EYS: variants seen among roughly 807,000 people sequenced by gnomAD.
The protein encoded by EYS is EGF-like photoreceptor maintenance factor, also known as protein eyes shut homolog.
EYS carries 250 observed loss-of-function variants against 282.1 expected under a neutral mutation model. That is an observed-to-expected ratio of 0.89 (90% CI 0.80 to 0.98). EYS has a LOEUF of 0.98. Among genes scored for constraint, EYS ranks in the 50% least tolerant of loss-of-function variants. The pLI, the probability that EYS is intolerant of heterozygous loss-of-function variation, is 0.00. For missense variants in EYS, 4,016 were observed against 3,709.0 expected, an observed-to-expected ratio of 1.08 and a Z score of -2.15; for synonymous variants, 1,355 against 1,282.9, an observed-to-expected ratio of 1.06 and a Z score of -1.20.
chr6:65,433,214 G>T (rs1311235156), intron 5 of EYS, among the ~76,000 whole-genome samples: 1 of 152,076 alleles, frequency 6.6e-6, no homozygotes, highest in Non-Finnish European at 1.5e-5. Context: ...AGATAGCAAA[G>T]ACATGGAAGC....
At chr6:64,214,345 A>T (rs1765866767) in intron 31 of EYS, among the ~76,000 whole-genome samples, 1 of 152,132 alleles carries the variant, frequency 6.6e-6, no homozygotes, top group Non-Finnish European at 1.5e-5. Context: ...TTTGGAATCC[A>T]CAACAGATAT....
intron 40 of EYS, among the ~76,000 whole-genome samples, chr6:63,775,371 T>C (rs1211482242): frequency 6.6e-6 from 1 of 152,226 alleles, no homozygotes; most frequent in East Asian, 1.9e-4. Flanking sequence ...AAACTGTTCA[T>C]TGTTAAGACC....
intron 29 of EYS, among the ~76,000 whole-genome samples, chr6:64,330,758 G>A (rs1033724111): frequency 1.3e-5 from 2 of 152,120 alleles, no homozygotes; most frequent in Non-Finnish European, 2.9e-5. Flanking sequence ...AGCAGAGGGG[G>A]TATCGCTTGC....
rs79376326 is a variant in EYS, at chr6:65,629,988, T to A, written c.-333+9790A>T. Among the ~76,000 whole-genome samples, 448 of 152,252 alleles carry A rather than the reference T, an allele frequency of 2.9e-3. 1 individual carries two copies. The highest frequency in any genetic ancestry group is 0.01 in the African/African-American group (433 of 41,550). On this transcript the variant is annotated intron_variant, in intron 2 of 42. Transcript: ENST00000503581. ...GAAGGATAATAGAAAGTTAAAGAAC[T>A]CCCAAAGGTCAATCCCATGGATGAT...
intron 7 of EYS, among the ~76,000 whole-genome samples, chr6:65,401,345 A>T (rs935353956): frequency 6.6e-6 from 1 of 151,006 alleles, no homozygotes; most frequent in East Asian, 1.9e-4. Context: ...AGTCAGAGTT[A>T]GCAATTTTTT....
intron 2 of EYS, among the ~76,000 whole-genome samples, chr6:65,616,807 G>T (rs1400276856): frequency 1.3e-5 from 2 of 151,130 alleles, no homozygotes; most frequent in Non-Finnish European, 2.9e-5. Flanking sequence ...AAAAAAGTAA[G>T]CCTTTATTTT....
intron 8 of EYS, among the ~76,000 whole-genome samples, chr6:65,355,438 A>C (rs1764443881): frequency 6.6e-6 from 1 of 152,160 alleles, no homozygotes; most frequent in Non-Finnish European, 1.5e-5. Flanking sequence ...TGAGATCTCA[A>C]AGTACAAGCA....
intron 29 of EYS, among the ~76,000 whole-genome samples, chr6:64,364,890 C>T (rs112020286): frequency 0.011 from 1,657 of 151,888 alleles, 32 homozygotes; most frequent in African/African-American, 0.038. Context: ...ACTGGTACCC[C>T]TAAATCTATA....
chr6:64,497,838 A>T (rs1390562407), intron 26 of EYS, among the ~76,000 whole-genome samples: 4 of 152,168 alleles, frequency 2.6e-5, no homozygotes, highest in African/African-American at 7.2e-5. Context: ...GGAAGGAAGA[A>T]GAAAGATGAA....
intron 22 of EYS, among the ~76,000 whole-genome samples, chr6:64,709,664 C>T (rs987319445): frequency 1.3e-5 from 2 of 152,090 alleles, no homozygotes; most frequent in Admixed American, 6.6e-5. Context: ...CATTAAAATT[C>T]AAGATAAGAA....
intron 5 of EYS, among the ~76,000 whole-genome samples, chr6:65,421,618 T>C (rs1767456824): frequency 6.6e-6 from 1 of 151,994 alleles, no homozygotes; most frequent in Non-Finnish European, 1.5e-5. Context: ...TTCTGGGCTA[T>C]CTGAGCTTTC....
At chr6:65,342,910 G>A (rs115092152) in intron 10 of EYS, among the ~76,000 whole-genome samples, 1 of 150,694 alleles carries the variant, frequency 6.6e-6, no homozygotes, top group Non-Finnish European at 1.5e-5. Flanking sequence ...CCTGACAAAG[G>A]TTTACAGTTA....
At chr6:64,796,488 C>T (rs1331646258) in intron 22 of EYS, among the ~76,000 whole-genome samples, 2 of 152,102 alleles carry the variant, frequency 1.3e-5, no homozygotes, top group African/African-American at 2.4e-5. Context: ...GGGCAATCAA[C>T]CACTTAAAAA....
chr6:64,496,298 A>G (rs146863043), intron 26 of EYS, among the ~76,000 whole-genome samples: 145 of 152,114 alleles, frequency 9.5e-4, no homozygotes, highest in African/African-American at 3.2e-3. Context: ...ATTAAAAATT[A>G]CAACTGGATT....
intron 19 of EYS, among the ~76,000 whole-genome samples, chr6:64,843,425 A>C (rs191106727): frequency 6.6e-6 from 1 of 152,306 alleles, no homozygotes; most frequent in African/African-American, 2.4e-5. Flanking sequence ...GAAAAGCCAC[A>C]GGGGCAGAAC....
chr6:65,468,950 CTACTTAAA>C (rs1480840931), intron 5 of EYS, among the ~76,000 whole-genome samples: 1 of 151,990 alleles, frequency 6.6e-6, no homozygotes, highest in Non-Finnish European at 1.5e-5. Flanking sequence ...TATGTAGTCT[CTACTTAAA>C]TACTTTTCTT....
intron 22 of EYS, among the ~76,000 whole-genome samples, chr6:64,674,894 G>A (rs1457592051): frequency 6.6e-6 from 1 of 151,858 alleles, no homozygotes; most frequent in African/African-American, 2.4e-5. Context: ...GAAAACTTTT[G>A]CCAAACTTTC....
intron 30 of EYS, among the ~76,000 whole-genome samples, chr6:64,253,389 T>G (rs1478641257): frequency 6.6e-6 from 1 of 152,170 alleles, no homozygotes; most frequent in Non-Finnish European, 1.5e-5. Context: ...ATGTAAGTGT[T>G]TGAAAGTCAC....
rs532731931 is a variant in EYS at position 64,316,364 on chromosome 6, CAA to C, written c.6079-9284_6079-9283del. Among the ~76,000 whole-genome samples, 855 of 152,254 alleles carry C rather than the reference CAA, an allele frequency of 5.6e-3. 3 individuals are homozygous for C. The highest frequency in any genetic ancestry group is 0.045 in the Middle Eastern group (13 of 292). ...TCCAGAAGCTGATAAACAACTTCAG[CAA>C]AGTCTCAGGATGCAATATCAATGTG... On this transcript the variant is annotated intron_variant, in intron 29 of 42. Transcript: ENST00000503581.
Sources: allele counts gnomAD v4.1 joint callset (sites outside exome capture counted in the v4.1 genomes callset), GRCh38; gene constraint gnomAD v4.1.1; transcripts MANE v1.5; gene names NCBI Gene and HGNC (gene_info 2026-07-23, HGNC 2026-07-21).